The following RSRC1 variants were observed in gnomAD, a reference collection of about 807,000 sequenced individuals.
RSRC1 encodes arginine and serine rich coiled-coil 1.
In RSRC1, 39 loss-of-function variants were observed where a neutral mutation model predicts 49.1. That is an observed-to-expected ratio of 0.79 (90% CI 0.61 to 1.04). The LOEUF (loss-of-function observed/expected upper bound fraction) is 1.04. Ranked by LOEUF, RSRC1 falls within the 50% of genes least tolerant of loss-of-function variation. The probability of loss-of-function intolerance (pLI) is 0.00; values close to 1 mark genes in which losing one functional copy is unlikely to be tolerated. For synonymous variants in RSRC1, 143 were observed against 130.8 expected (o/e 1.09, Z -0.63); for missense variants, 388 against 402.4 (o/e 0.96, Z 0.31).
At chr3:158,346,892 A>G (rs1730582527) in intron 5 of RSRC1, among the ~76,000 whole-genome samples, 1 of 152,242 alleles carries the variant, frequency 6.6e-6, no homozygotes, top group African/African-American at 2.4e-5. Flanking sequence ...TGCATAAAGA[A>G]ATTAGGGTAT....
At chr3:158,254,776 G>A (rs1407674792) in intron 4 of RSRC1, among the ~76,000 whole-genome samples, 1 of 152,040 alleles carries the variant, frequency 6.6e-6, no homozygotes, top group African/African-American at 2.4e-5. Flanking sequence ...GGTGTGAAAT[G>A]GTATCTCATG....
chr3:158,374,177 GT>G (rs1732230896), intron 6 of RSRC1, among the ~76,000 whole-genome samples: 1 of 151,868 alleles, frequency 6.6e-6, no homozygotes, highest in Non-Finnish European at 1.5e-5. Flanking sequence ...TTTTTCTTTG[GT>G]TCCAAATGAG....
chr3:158,410,603 T>C (rs1312442350), intron 6 of RSRC1, among the ~76,000 whole-genome samples: 4 of 152,162 alleles, frequency 2.6e-5, no homozygotes, highest in Non-Finnish European at 1.5e-5. Context: ...CTAGCATAGT[T>C]CCTAGCATAT....
intron 3 of RSRC1, among the ~76,000 whole-genome samples, chr3:158,156,058 A>C (rs1031735124): frequency 1.3e-5 from 2 of 152,174 alleles, no homozygotes; most frequent in East Asian, 1.9e-4. Flanking sequence ...CCTTCTTCCT[A>C]TGGAGGCTGT....
At chr3:158,233,854 A>G (rs531927124) in intron 4 of RSRC1, among the ~76,000 whole-genome samples, 30 of 152,224 alleles carry the variant, frequency 2.0e-4, no homozygotes, top group African/African-American at 6.5e-4. Flanking sequence ...TTCATTCTCC[A>G]TGTATGGAAA....
intron 6 of RSRC1, among the ~76,000 whole-genome samples, chr3:158,441,763 G>T (rs929842603): frequency 6.6e-6 from 1 of 152,056 alleles, no homozygotes; most frequent in African/African-American, 2.4e-5. Context: ...AAATTGACAC[G>T]ATTGTGAGGA....
chr3:158,248,949 G>C (rs1255829793), intron 4 of RSRC1, among the ~76,000 whole-genome samples: 1 of 152,140 alleles, frequency 6.6e-6, no homozygotes, highest in Non-Finnish European at 1.5e-5. Flanking sequence ...CTTACCAATA[G>C]TTGGTATTGT....
intron 7 of RSRC1, among the ~76,000 whole-genome samples, chr3:158,493,541 T>TAA (rs111495958): frequency 6.6e-6 from 1 of 152,104 alleles, no homozygotes; most frequent in Admixed American, 6.5e-5. Flanking sequence ...GATGTACTGT[T>TAA]AAAAAACAAA....
intron 4 of RSRC1, among the ~76,000 whole-genome samples, chr3:158,207,250 A>T (rs1721391529): frequency 6.6e-6 from 1 of 152,178 alleles, no homozygotes; most frequent in Non-Finnish European, 1.5e-5. Context: ...GAACTGAAAG[A>T]ATTTTCTGTA....
intron 3 of RSRC1, among the ~76,000 whole-genome samples, chr3:158,177,625 A>G (rs1232441965): frequency 1.2e-4 from 18 of 151,308 alleles, no homozygotes; most frequent in Admixed American, 1.2e-3. Context: ...GGGGAACATC[A>G]CACACCAGGG....
intron 6 of RSRC1, among the ~76,000 whole-genome samples, chr3:158,357,907 T>G (rs1731246645): frequency 6.6e-6 from 1 of 152,206 alleles, no homozygotes; most frequent in Non-Finnish European, 1.5e-5. Flanking sequence ...TAGATAAGGT[T>G]AATATGTAGA....
chr3:158,129,654 G>A (rs1023363573), intron 3 of RSRC1, among the ~76,000 whole-genome samples: 1 of 152,090 alleles, frequency 6.6e-6, no homozygotes, highest in Non-Finnish European at 1.5e-5. Context: ...CTAACTATAC[G>A]AATGTGACTC....
intron 3 of RSRC1, among the ~76,000 whole-genome samples, chr3:158,176,425 A>G (rs1384749524): frequency 6.6e-6 from 1 of 152,230 alleles, no homozygotes; most frequent in Non-Finnish European, 1.5e-5. Context: ...CAGTAACCAA[A>G]AAGCATGGTA....
chr3:158,326,480 G>A (rs370043524), intron 5 of RSRC1, among the ~76,000 whole-genome samples: 7 of 152,240 alleles, frequency 4.6e-5, no homozygotes, highest in Admixed American at 1.3e-4. Flanking sequence ...TGCATCTATT[G>A]AGATAATCAT....
intron 4 of RSRC1, among the ~76,000 whole-genome samples, chr3:158,259,768 G>A (rs530441276): frequency 2.3e-4 from 35 of 152,254 alleles, no homozygotes; most frequent in African/African-American, 7.2e-4. Flanking sequence ...TTCTAGTGCA[G>A]CTGAGCTATC....
intron 3 of RSRC1, among the ~76,000 whole-genome samples, chr3:158,176,557 A>G (rs965457036): frequency 3.3e-5 from 5 of 152,224 alleles, no homozygotes; most frequent in East Asian, 1.9e-4. Flanking sequence ...AGGATTCCCT[A>G]TTTAATAAAT....
At chr3:158,204,273 T>A (rs1440432733) in intron 4 of RSRC1, among the ~76,000 whole-genome samples, 1 of 152,226 alleles carries the variant, frequency 6.6e-6, no homozygotes, top group Non-Finnish European at 1.5e-5. Context: ...ATAGTGATGT[T>A]ATATAAATCT....
intron 5 of RSRC1, among the ~76,000 whole-genome samples, chr3:158,317,741 G>A (rs1162495041): frequency 6.6e-6 from 1 of 151,518 alleles, no homozygotes; most frequent in African/African-American, 2.4e-5. Context: ...TGTATTTTAA[G>A]TAGAGACAGG....
intron 7 of RSRC1, among the ~76,000 whole-genome samples, chr3:158,523,628 T>C (rs1468205530): frequency 1.3e-5 from 2 of 152,076 alleles, no homozygotes; most frequent in Admixed American, 1.3e-4. Context: ...TTTTACATTA[T>C]TAACTGAAGA....
Sources: allele counts gnomAD v4.1 joint callset (sites outside exome capture counted in the v4.1 genomes callset), GRCh38; gene constraint gnomAD v4.1.1; transcripts MANE v1.5; gene names NCBI Gene and HGNC (gene_info 2026-07-23, HGNC 2026-07-21).